Variants in ERAP1 observed in about 807,000 individuals in gnomAD.
ERAP1 encodes the protein adipocyte-derived leucine aminopeptidase.
A neutral mutation model predicts 103.7 loss-of-function variants in ERAP1; 86 were observed. The observed-to-expected ratio is 0.83, with a 90% CI of 0.70 to 0.99. The LOEUF is 0.99. Among genes scored for constraint, ERAP1 ranks in the 50% least tolerant of loss-of-function variants. ERAP1 has a pLI of 0.00. For synonymous variants in ERAP1, 398 were observed against 402.4 expected (o/e 0.99, Z 0.13); for missense variants, 1,009 against 1,128.4 (o/e 0.89, Z 1.52).
At chr5:96,902,914 A>C in the ERAP1 span, 2 of 154,744 alleles carry the variant, frequency 1.3e-5, no homozygotes, top group Non-Finnish European at 2.9e-5. Context: ...TCTTCTAAAC[A>C]CTTTAATAAA....
chr5:96,804,075 T>C, intron 1 of ERAP1, 132 bp from the exon 2 acceptor site: 3 of 980,990 alleles, frequency 3.1e-6, no homozygotes, highest in South Asian at 1.5e-5. Flanking sequence ...GGTCTTTTCC[T>C]GAAAGTAAAA....
chr5:96,780,601 C>T lies in ERAP1; in HGVS notation c.2589-97G>A, dbSNP rs538251283. 2.1e-5 allele frequency: 20 copies of T among 960,010 alleles called. No individual in the cohort carries two copies. In the East Asian group the frequency reaches 4.5e-4, roughly 22 times the overall value. 59.5% of individuals were successfully genotyped at this position (960,010 alleles called of 1,614,324 possible). On this transcript the variant is annotated intron_variant, in intron 17 of 18. Coordinates refer to ENST00000443439, the MANE Select transcript of ERAP1 (RefSeq NM_001040458.3). Reference sequence around the variant, plus strand: ...ATATATAATAGCTTTCAGCTAAAAACTGATCGGTGTGAAAAATACAAAATA... The same window carrying T: ...ATATATAATAGCTTTCAGCTAAAAATTGATCGGTGTGAAAAATACAAAATA...
chr5:96,906,428 A>C, the ERAP1 span, among the ~76,000 whole-genome samples: 1 of 152,116 alleles, frequency 6.6e-6, no homozygotes, highest in East Asian at 1.9e-4. Flanking sequence ...CACCATGCCC[A>C]ACCAATTTTT....
chr5:96,887,107 A>ATATG, the ERAP1 span, among the ~76,000 whole-genome samples: 284 of 37,646 alleles, frequency 7.5e-3, 3 homozygotes, highest in African/African-American at 0.021. Context: ...ATATACACAC[A>ATATG]CACACACACA....
chr5:96,806,234 T>C (rs1012734724), intron 1 of ERAP1: 1 of 152,144 alleles, frequency 6.6e-6, no homozygotes, highest in African/African-American at 2.4e-5. Flanking sequence ...TTCATGGTTC[T>C]GGCTGGTCTC....
At chr5:96,893,052 A>G in the ERAP1 span, among the ~76,000 whole-genome samples, 14 of 152,276 alleles carry the variant, frequency 9.2e-5, no homozygotes, top group South Asian at 8.3e-4. Flanking sequence ...TAAGCACTCA[A>G]TAAGTATTAG....
intron 13 of ERAP1, among the ~76,000 whole-genome samples, chr5:96,784,502 CAGAT>C (rs1446828641): frequency 2.8e-5 from 4 of 142,290 alleles, no homozygotes; most frequent in East Asian, 4.1e-4. Context: ...AATAAACAAA[CAGAT>C]AGATAACTAC....
rs545174317 is a variant in ERAP1 at position 96,764,146 on chromosome 5, GGA to G, written c.2819-920_2819-919del. On this transcript the variant is annotated intron_variant, in intron 19 of 19. Coordinates refer to the ERAP1 transcript ENST00000296754. ...ATTTTAATTGAATTCATTTAGAGGT[GGA>G]ATTTTGAATGCAATGTGTTGAAAAA... 9.2e-5 allele frequency among the ~76,000 whole-genome samples: 14 copies of G among 152,154 alleles called. 1 individual carries two copies. The East Asian group carries it at 2.5e-3, about 27-fold the overall frequency.
At chr5:96,765,320 G>A (rs1769477983) in intron 19 of ERAP1, 1 of 366,930 alleles carries the variant, frequency 2.7e-6, no homozygotes, top group Non-Finnish European at 4.5e-6. Flanking sequence ...GGAAGATAAA[G>A]TAAAGGTAAA....
chr5:96,770,638 A>G (rs1332041114), downstream of ERAP1: 2 of 1,350,988 alleles, frequency 1.5e-6, no homozygotes, highest in East Asian at 2.3e-5. Context: ...AAATTAGTTT[A>G]GCAGTTACAC....
chr5:96,860,865 G>A, the ERAP1 span, among the ~76,000 whole-genome samples: 2 of 152,124 alleles, frequency 1.3e-5, no homozygotes, highest in East Asian at 3.8e-4. Flanking sequence ...TTGCAGACAA[G>A]TGACTTACCT....
At chr5:96,929,563 T>C in the ERAP1 span, among the ~76,000 whole-genome samples, 2 of 151,850 alleles carry the variant, frequency 1.3e-5, no homozygotes, top group African/African-American at 4.8e-5. Flanking sequence ...GGGAGTGTAG[T>C]GGCATGATCT....
chr5:96,912,799 G>C, the ERAP1 span: 4 of 1,590,316 alleles, frequency 2.5e-6, no homozygotes. Context: ...AGTTACTGAA[G>C]TAAGTTCAAT....
chr5:96,926,829 TG>T, the ERAP1 span, among the ~76,000 whole-genome samples: 1 of 152,230 alleles, frequency 6.6e-6, no homozygotes, highest in Non-Finnish European at 1.5e-5. Flanking sequence ...TTTGTTTGTT[TG>T]TTTCAAGACA....
At chr5:96,881,391 T>G in the ERAP1 span, 1 of 455,492 alleles carries the variant, frequency 2.2e-6, no homozygotes, top group African/African-American at 2.0e-5. Flanking sequence ...TGCTGACATA[T>G]TGGTCATGTG....
At chr5:96,862,916 A>G in the ERAP1 span, among the ~76,000 whole-genome samples, 1 of 151,972 alleles carries the variant, frequency 6.6e-6, no homozygotes, top group Non-Finnish European at 1.5e-5. Context: ...GTTACTTCCT[A>G]CCAAAATGCC....
At chr5:96,770,513 A>G, downstream of ERAP1, 2 of 1,580,374 alleles carry the variant, frequency 1.3e-6, no homozygotes, top group Non-Finnish European at 1.7e-6. Context: ...TAGCCTCATT[A>G]CATTTCCTTT....
At chr5:96,771,711 G>A (rs1489453419), downstream of ERAP1, 2 of 1,578,134 alleles carry the variant, frequency 1.3e-6, no homozygotes, top group African/African-American at 2.7e-5. Context: ...TGGTAAGTTG[G>A]GTGTTTATTT....
chr5:96,786,688 T>C (rs1161805042), intron 11 of ERAP1, 139 bp from the exon 12 acceptor site: 5 of 642,136 alleles, frequency 7.8e-6, no homozygotes, highest in Non-Finnish European at 1.4e-5. Context: ...TCTCAAAACA[T>C]CCCCAGTCTG....
Sources: allele counts gnomAD v4.1 joint callset (sites outside exome capture counted in the v4.1 genomes callset), GRCh38; gene constraint gnomAD v4.1.1; transcripts MANE v1.5; gene names NCBI Gene and HGNC (gene_info 2026-07-23, HGNC 2026-07-21).